Variants in GPR142 observed in about 807,000 individuals in gnomAD.
GPR142 encodes G-protein coupled receptor 142 long form.
Under a neutral mutation model 10.6 loss-of-function variants are expected in GPR142, and 9 were observed. That is an observed-to-expected ratio of 0.85 (90% CI 0.51 to 1.48). The LOEUF is 1.48. GPR142 is among the 40% of genes most tolerant of loss of function. The pLI, the probability that GPR142 is intolerant of heterozygous loss-of-function variation, is 0.00. For missense variants in GPR142, 482 were observed against 506.0 expected, an observed-to-expected ratio of 0.95 and a Z score of 0.45; for synonymous variants, 202 against 221.2, an observed-to-expected ratio of 0.91 and a Z score of 0.77.
chr17:74,367,790 G>A lies in GPR142; in HGVS notation c.-78G>A. The A allele has an allele frequency of 6.3e-7, 1 of 1,598,880 alleles. No homozygotes were observed. The highest frequency in any genetic ancestry group is 1.3e-5 in the African/African-American group (1 of 74,506). Reference sequence around the variant, plus strand: ...CCCAGAACAGGCCTTCTATGGGGTGGGATGGTAAGTTGCTGGAAGGACGTG... The same window carrying A: ...CCCAGAACAGGCCTTCTATGGGGTGAGATGGTAAGTTGCTGGAAGGACGTG... On this transcript the variant is annotated 5_prime_UTR_variant, in exon 1 of 4. The change creates a premature stop within an existing upstream ORF in the 5' untranslated region. Coordinates refer to ENST00000582579, the MANE Select transcript of GPR142 (RefSeq NM_001331076.1).
Position 74,367,644 on chromosome 17 carries a change from C to G in GPR142, c.-224C>G, listed in dbSNP as rs1322778933. On this transcript the variant is annotated 5_prime_UTR_variant, in exon 1 of 4. Transcript: ENST00000582579. Reference sequence around the variant, plus strand: ...GGTGTCCCATGCACAGAAAAGCCAGCATTCTTGTCTCAGCCATTCCAGGTG... The same window carrying G: ...GGTGTCCCATGCACAGAAAAGCCAGGATTCTTGTCTCAGCCATTCCAGGTG... 1 of 1,614,058 alleles carries G rather than the reference C, an allele frequency of 6.2e-7. No individual in the cohort carries two copies. The highest frequency in any genetic ancestry group is 8.5e-7 in the Non-Finnish European group (1 of 1,180,046).
At position 74,367,818 on chromosome 17, in the gene GPR142, T is replaced by C. The variant is rs762862907; in HGVS notation, c.-74+24T>C. 11 of 1,560,444 alleles carry C rather than the reference T, an allele frequency of 7.0e-6. No homozygotes were observed. The Admixed American group carries it at 9.4e-5, about 13-fold the overall frequency. On this transcript the variant is annotated intron_variant, in intron 1 of 3. Coordinates refer to ENST00000582579, the MANE Select transcript of GPR142 (RefSeq NM_001331076.1). ...TGGTAAGTTGCTGGAAGGACGTGCA[T>C]GGGGCATCATTGTAGCAAACTCAGT... is the stretch of plus-strand genomic sequence containing the variant.
Position 74,367,690 on chromosome 17 carries a change from CAGGGGGA to C in GPR142, c.-175_-169del. 1 of 1,613,186 alleles carries C rather than the reference CAGGGGGA, an allele frequency of 6.2e-7. No individual in the cohort carries two copies. The highest frequency in any genetic ancestry group is 8.5e-7 in the Non-Finnish European group (1 of 1,180,026). ...AGGTGGCTGAGGTCTCCACAGGTCA[CAGGGGGA>C]AGCTGGGACCTCCGAATAAGGCCAT... On this transcript the variant is annotated 5_prime_UTR_variant, in exon 1 of 4. It introduces an in-frame stop codon into an upstream open reading frame of the 5' UTR. Coordinates refer to ENST00000582579, the MANE Select transcript of GPR142 (RefSeq NM_001331076.1).
rs199854845 is a variant in GPR142, at chr17:74,370,643, A to G, written c.217A>G (p.Ile73Val). The G allele has an allele frequency of 1.0e-4, 168 of 1,613,940 alleles. No individual in the cohort carries two copies. In the African/African-American group the frequency reaches 1.9e-3, roughly 19 times the overall value. Residue 73 changes from isoleucine (I) to valine (V), a missense_variant, in exon 3 of 4, where the codon ATC becomes GTC. By Grantham distance (29) the Ile-to-Val change is conservative. Coordinates refer to ENST00000582579, the MANE Select transcript of GPR142 (RefSeq NM_001331076.1). The part of the protein sequence containing the change: ...SPCVAGVIPV[I>V]YYSVLLGLGL... Reference sequence around the variant, plus strand: ...GTGTGTGGCTGGCGTCATCCCTGTCATCTACTACAGTGTCCTGCTGGGCTT... The same window carrying G: ...GTGTGTGGCTGGCGTCATCCCTGTCGTCTACTACAGTGTCCTGCTGGGCTT...
intron 2 of GPR142, 39 bp downstream of exon 2, chr17:74,369,673 G>C: frequency 6.6e-7 from 1 of 1,524,964 alleles, no homozygotes; most frequent in Non-Finnish European, 8.8e-7. Flanking sequence ...GGGGCAATAA[G>C]GTGGAAAGGC....
chr17:74,370,547 C>T lies in GPR142; in HGVS notation c.121C>T (p.Pro41Ser), dbSNP rs1200344696. Residue 41 changes from proline to serine, a missense_variant, in exon 3 of 4, where the codon CCC becomes TCC. Pro to Ser is a moderately conservative substitution (Grantham distance 74). Transcript: ENST00000582579. ...TAGQPRVTLL[P>S]TPHVSGLSQE... ...TGGCCAGCCACGAGTGACCCTGCTG[C>T]CCACGCCCCACGTCAGCGGGCTGAG... 1.4e-5 allele frequency: 23 copies of T among 1,612,592 alleles called. No individual in the cohort carries two copies. Among genetic ancestry groups the T allele is most frequent in the Non-Finnish European group, 2.0e-5 (23 of 1,179,354 alleles).
intron 1 of GPR142, among the ~76,000 whole-genome samples, chr17:74,369,064 C>T (rs963773249): frequency 1.3e-5 from 2 of 152,132 alleles, no homozygotes; most frequent in East Asian, 3.9e-4. Context: ...ACAGAGGTGC[C>T]CTACTCTCTT....
At chr17:74,368,213 G>A (rs1372833268) in intron 1 of GPR142, among the ~76,000 whole-genome samples, 2 of 152,186 alleles carry the variant, frequency 1.3e-5, no homozygotes, top group Non-Finnish European at 2.9e-5. Flanking sequence ...CTCACCCATG[G>A]CAGCTCCTTG....
At position 74,367,663 on chromosome 17, in the gene GPR142, CCAGG is replaced by C; in HGVS notation, c.-204_-201del. 2 of 1,614,130 alleles carry C rather than the reference CCAGG, an allele frequency of 1.2e-6. No individual in the cohort carries two copies. The highest frequency in any genetic ancestry group is 1.7e-6 in the Non-Finnish European group (2 of 1,180,012). ...AGCCAGCATTCTTGTCTCAGCCATTCCAGGTGGCTGAGGTCTCCACAGGTCACAG... is the reference window on the plus strand; with the variant it reads ...AGCCAGCATTCTTGTCTCAGCCATTCTGGCTGAGGTCTCCACAGGTCACAG... On this transcript the variant is annotated 5_prime_UTR_variant, in exon 1 of 4. It introduces an in-frame stop codon into an upstream open reading frame of the 5' UTR. Transcript: ENST00000582579.
rs566565557 is a variant in GPR142 at position 74,368,433 on chromosome 17, G to A, written c.-74+639G>A. Among the ~76,000 whole-genome samples, 39 of 151,258 alleles carry A rather than the reference G, an allele frequency of 2.6e-4. 3 individuals are homozygous for A. The South Asian group carries it at 7.8e-3, about 30-fold the overall frequency. ...GGGACTTTCAGGCTTGCAGGGTCAG[G>A]ATGTGGCCACCAGGGGGCAGCAGGG... On this transcript the variant is annotated intron_variant, in intron 1 of 3. Transcript: ENST00000582579.
chr17:74,370,600 G>A lies in GPR142; in HGVS notation c.174G>A (p.Glu58=). 4 of 1,607,400 alleles carry A rather than the reference G, an allele frequency of 2.5e-6. No individual in the cohort carries two copies. Among genetic ancestry groups the A allele is most frequent in the Non-Finnish European group, 3.4e-6 (4 of 1,176,892 alleles). Residue 58 remains glutamate, a synonymous_variant, in exon 3 of 4, where the codon GAG becomes GAA. Coordinates refer to ENST00000582579, the MANE Select transcript of GPR142 (RefSeq NM_001331076.1). ...AGGAGTTTGAAAGCCACTGGCCAGAGATCGCAGAGAGGTCCCCGTGTGTGG... is the reference window on the plus strand; with the variant it reads ...AGGAGTTTGAAAGCCACTGGCCAGAAATCGCAGAGAGGTCCCCGTGTGTGG... ...LSQEFESHWP[E]IAERSPCVAG...
chr17:74,371,462 C>T (rs1052611194), intron 3 of GPR142, among the ~76,000 whole-genome samples: 3 of 151,408 alleles, frequency 2.0e-5, no homozygotes. Flanking sequence ...CTGGCCAGGA[C>T]AGGTGGCTGC....
intron 2 of GPR142, 30 bp from the exon 3 acceptor site, chr17:74,370,491 G>T: frequency 6.3e-7 from 1 of 1,585,818 alleles, no homozygotes; most frequent in Non-Finnish European, 8.6e-7. Flanking sequence ...TAGACCAGAG[G>T]CTCTGACTCT....
intron 3 of GPR142, among the ~76,000 whole-genome samples, chr17:74,371,183 GTC>G (rs200682706): frequency 0.013 from 1,577 of 118,168 alleles, 26 homozygotes; most frequent in African/African-American, 0.047. Flanking sequence ...TTGAGATGGA[GTC>G]TCACTCTGTC....
intron 2 of GPR142, 35 bp downstream of exon 2, chr17:74,369,669 A>G: frequency 6.5e-7 from 1 of 1,527,976 alleles, no homozygotes; most frequent in Non-Finnish European, 8.8e-7. Context: ...GCTGGGGGCA[A>G]TAAGGTGGAA....
In GPR142 at chr17:74,372,589, G is replaced by T; in HGVS notation, c.1114G>T (p.Ala372Ser). Residue 372 changes from alanine (A) to serine (S), a missense_variant, in exon 4 of 4, where the codon GCA becomes TCA. By Grantham distance (99) the Ala-to-Ser change is moderately conservative. Transcript: ENST00000582579. ...VMEPPGLPTG[A>S]EV ...GGAGCCTCCGGGACTCCCCACAGGG[G>T]CAGAAGTGTAGAGGAGGGGGCCCAG... The T allele has an allele frequency of 6.2e-7, 1 of 1,604,080 alleles. No individual in the cohort carries two copies.
rs1033688547 is a variant in GPR142 at position 74,372,019 on chromosome 17, T to C, written c.544T>C (p.Ser182Pro). 1.2e-6 allele frequency: 2 copies of C among 1,613,514 alleles called. No homozygotes were observed. Among genetic ancestry groups the C allele is most frequent in the African/African-American group, 2.7e-5 (2 of 74,918 alleles). ...CCACCCCCTGCACCATCGGGCCGCC[T>C]CGTCCCCAGGCCGGACCCGCCGGGC... ...LCHPLHHRAA[S>P]SPGRTRRAIA... The change falls in exon 4 of 4, where the codon TCG becomes CCG. Residue 182 changes from serine (S) to proline (P), a missense_variant. Transcript: ENST00000582579.
chr17:74,370,827 C>T (rs1184301548), intron 3 of GPR142, 148 bp downstream of exon 3: 15 of 796,198 alleles, frequency 1.9e-5, no homozygotes, highest in Middle Eastern at 3.7e-4. Context: ...TGTTCTGGGT[C>T]ACTGGAGGGG....
At chr17:74,370,063 TC>T (rs2055011003) in intron 2 of GPR142, among the ~76,000 whole-genome samples, 1 of 151,898 alleles carries the variant, frequency 6.6e-6, no homozygotes, top group Admixed American at 6.6e-5. Context: ...CCTAGAGAGG[TC>T]CCTGTGTGTG....
Sources: gnomAD v4.1 joint callset for allele counts (sites outside exome capture counted in the v4.1 genomes callset) on GRCh38, gnomAD v4.1.1 for gene constraint, MANE v1.5 for transcripts, NCBI Gene and HGNC (gene_info 2026-07-23, HGNC 2026-07-21) for gene names.